Variants in PTPRG observed in about 807,000 individuals in gnomAD.
The protein encoded by PTPRG is receptor-type tyrosine-protein phosphatase gamma.
In PTPRG, 102 loss-of-function variants were observed where a neutral mutation model predicts 165.3. That is an observed-to-expected ratio of 0.62 (90% CI 0.53 to 0.73). PTPRG has a LOEUF of 0.73. PTPRG is among the 30% of genes least tolerant of loss of function. The pLI, the probability that PTPRG is intolerant of heterozygous loss-of-function variation, is 0.00. For missense variants in PTPRG, 1,866 were observed against 1,861.4 expected (o/e 1.00, Z -0.05); for synonymous variants, 675 against 669.5 (o/e 1.01, Z -0.13).
intron 2 of PTPRG, among the ~76,000 whole-genome samples, chr3:61,767,843 G>A (rs755617612): frequency 4.6e-5 from 7 of 151,818 alleles, no homozygotes; most frequent in African/African-American, 1.5e-4. Context: ...GGTGGCACAC[G>A]CCTGTAGTTC....
intron 1 of PTPRG, among the ~76,000 whole-genome samples, chr3:61,569,605 C>G (rs1476450796): frequency 3.9e-5 from 6 of 152,188 alleles, no homozygotes; most frequent in Non-Finnish European, 7.3e-5. Context: ...AGGCCTGAGC[C>G]ATTGCTCCTG....
intron 5 of PTPRG, among the ~76,000 whole-genome samples, chr3:62,090,411 A>G (rs1367716867): frequency 1.3e-5 from 2 of 152,158 alleles, no homozygotes; most frequent in African/African-American, 4.8e-5. Context: ...AGCTAACACA[A>G]AGCCAATACC....
intron 1 of PTPRG, among the ~76,000 whole-genome samples, chr3:61,665,469 T>TACACAC (rs10662394): frequency 0.094 from 13,578 of 143,890 alleles, 646 homozygotes; most frequent in African/African-American, 0.13. Flanking sequence ...TGTAAATAAA[T>TACACAC]ACACACACAC....
chr3:62,159,113 C>A, intron 7 of PTPRG, among the ~76,000 whole-genome samples: 1 of 151,598 alleles, frequency 6.6e-6, no homozygotes, highest in Admixed American at 6.6e-5. Flanking sequence ...ACCCTTGAGC[C>A]CAGGAATTTG....
chr3:61,864,083 A>G (rs977831726), intron 2 of PTPRG, among the ~76,000 whole-genome samples: 3 of 152,170 alleles, frequency 2.0e-5, no homozygotes, highest in Admixed American at 6.5e-5. Context: ...AGCTCTTCAC[A>G]TTTGTACAAT....
chr3:62,276,873 A>C, intron 24 of PTPRG, 99 bp from the exon 25 acceptor site: 1 of 858,042 alleles, frequency 1.2e-6, no homozygotes, highest in African/African-American at 1.7e-5. Flanking sequence ...AAGGGAAGCC[A>C]GGAGGATATG....
chr3:62,031,800 G>A (rs780456136), intron 4 of PTPRG, among the ~76,000 whole-genome samples: 30 of 152,172 alleles, frequency 2.0e-4, no homozygotes, highest in Non-Finnish European at 4.1e-4. Flanking sequence ...AGAAGATAGA[G>A]ACATTATTTC....
chr3:62,059,777 G>A lies in PTPRG; in HGVS notation c.520-18386G>A, dbSNP rs142096651. Among the ~76,000 whole-genome samples the A allele has an allele frequency of 6.4e-3, 975 of 152,248 alleles. 9 individuals are homozygous for A. Among genetic ancestry groups the A allele is most frequent in the African/African-American group, 0.022 (918 of 41,542 alleles). ...AGGAGGTAGTGGAATTATGGGGGCC[G>A]TTACTCCCATGCTGCTGTTCTCATG... On this transcript the variant is annotated intron_variant, in intron 4 of 29. Transcript: ENST00000474889.
chr3:62,191,376 CTT>C (rs1490257542), intron 8 of PTPRG, 91 bp from the exon 9 acceptor site: 1 of 1,214,510 alleles, frequency 8.2e-7, no homozygotes, highest in African/African-American at 1.5e-5. Context: ...CTGTATTACT[CTT>C]TCAACTTTTT....
intron 2 of PTPRG, among the ~76,000 whole-genome samples, chr3:61,800,957 A>G (rs1194459580): frequency 1.3e-5 from 2 of 152,126 alleles, no homozygotes; most frequent in African/African-American, 4.8e-5. Context: ...AACTCTGCAC[A>G]GTACCTTTAA....
At chr3:62,064,061 C>T (rs1053851075) in intron 4 of PTPRG, among the ~76,000 whole-genome samples, 5 of 152,152 alleles carry the variant, frequency 3.3e-5, no homozygotes, top group African/African-American at 1.2e-4. Flanking sequence ...CCCTCTTCTT[C>T]TTACAGCAGT....
chr3:62,054,902 G>A (rs1036653708), intron 4 of PTPRG, among the ~76,000 whole-genome samples: 1 of 152,156 alleles, frequency 6.6e-6, no homozygotes, highest in African/African-American at 2.4e-5. Context: ...AGGCTTTAGT[G>A]GGAGCAAAAA....
rs1701493552 is a variant in PTPRG at position 62,254,550 on chromosome 3, G to C, written c.2468-574G>C. Among the ~76,000 whole-genome samples, 1 of 152,110 alleles carries C rather than the reference G, an allele frequency of 6.6e-6. No individual in the cohort carries two copies. Among genetic ancestry groups the C allele is most frequent in the African/African-American group, 2.4e-5 (1 of 41,418 alleles). On this transcript the variant is annotated intron_variant, in intron 15 of 29. Coordinates refer to ENST00000474889, the MANE Select transcript of PTPRG (RefSeq NM_002841.4). The surrounding 1 kb of genome is among the most constrained non-coding windows in gnomAD (Gnocchi z 4.6). ...CAAACTGATTATTTGGCATCATGTA[G>C]ACACAGCTGTCTTGAGCTAAAATTT...
rs1032595694 is a variant in PTPRG at position 62,219,045 on chromosome 3, C to T, written c.2288+62C>T. ...CCAGATGCTGGCCAGGTTTTGCTCA[C>T]GGGAGGGGAATCCCACGGCCTCTGC... On this transcript the variant is annotated intron_variant, in intron 13 of 29. Transcript: ENST00000474889. This position sits in a 1 kb window ranked among gnomAD's most constrained non-coding sequence, Gnocchi z 4.5. 101 of 1,587,516 alleles carry T rather than the reference C, an allele frequency of 6.4e-5. No individual in the cohort carries two copies. The highest frequency in any genetic ancestry group is 3.4e-4 in the Middle Eastern group (2 of 5,872).
intron 4 of PTPRG, among the ~76,000 whole-genome samples, chr3:62,072,740 C>G (rs757990554): frequency 6.6e-6 from 1 of 152,032 alleles, no homozygotes; most frequent in Non-Finnish European, 1.5e-5. Flanking sequence ...CTTTCCTTCC[C>G]TTGCAAAAGA....
At chr3:61,873,986 A>G (rs145873076) in intron 2 of PTPRG, among the ~76,000 whole-genome samples, 6 of 152,298 alleles carry the variant, frequency 3.9e-5, no homozygotes, top group African/African-American at 1.2e-4. Flanking sequence ...ACAGTGTTTG[A>G]CACAGAATAA....
intron 28 of PTPRG, among the ~76,000 whole-genome samples, chr3:62,290,306 A>G (rs1407484586): frequency 6.6e-6 from 1 of 152,208 alleles, no homozygotes; most frequent in African/African-American, 2.4e-5. Context: ...CTATATATTC[A>G]GTGCAACCTA....
chr3:61,925,896 T>G (rs114242879), intron 2 of PTPRG: 1 of 499,404 alleles, frequency 2.0e-6, no homozygotes, highest in Non-Finnish European at 4.0e-6. Flanking sequence ...ACAAAATCCC[T>G]GTTGATGAGG....
chr3:62,124,561 C>A, intron 5 of PTPRG: 1 of 1,376,658 alleles, frequency 7.3e-7, no homozygotes, highest in Non-Finnish European at 1.0e-6. Flanking sequence ...GGCGGTGGTC[C>A]AACAGGCTGT....
Sources: gnomAD v4.1 joint callset for allele counts (sites outside exome capture counted in the v4.1 genomes callset) on GRCh38, gnomAD v4.1.1 for gene constraint, Gnocchi (gnomAD v3.1) non-coding constraint, MANE v1.5 for transcripts, NCBI Gene and HGNC (gene_info 2026-07-23, HGNC 2026-07-21) for gene names.